The following PIBF1 variants were observed in gnomAD, a reference collection of about 807,000 sequenced individuals.
The protein encoded by PIBF1 is progesterone-induced-blocking factor 1.
A neutral mutation model predicts 112.5 loss-of-function variants in PIBF1; 90 were observed. The observed-to-expected ratio is 0.80, with a 90% CI of 0.67 to 0.95. The LOEUF (loss-of-function observed/expected upper bound fraction) is 0.95, where lower values mean the gene tolerates loss of function less well. Ranked by LOEUF, PIBF1 falls within the 40% of genes least tolerant of loss-of-function variation. The probability of loss-of-function intolerance (pLI) is 0.00; values close to 1 mark genes in which losing one functional copy is unlikely to be tolerated. For synonymous variants in PIBF1, 301 were observed against 288.6 expected, an observed-to-expected ratio of 1.04 and a Z score of -0.44; for missense variants, 915 against 852.3, an observed-to-expected ratio of 1.07 and a Z score of -0.92.
intron 13 of PIBF1, among the ~76,000 whole-genome samples, chr13:72,922,770 G>A (rs2041342151): frequency 6.6e-6 from 1 of 151,834 alleles, no homozygotes; most frequent in Admixed American, 6.6e-5. Flanking sequence ...TTTGTCCTTG[G>A]GGAAACTTGT....
intron 8 of PIBF1, among the ~76,000 whole-genome samples, chr13:72,832,181 C>A (rs1223803908): frequency 7.0e-6 from 1 of 143,472 alleles, no homozygotes. Flanking sequence ...AGATGTGTCT[C>A]CTGAATACAG....
intron 16 of PIBF1, among the ~76,000 whole-genome samples, chr13:72,984,540 A>G (rs770167307): frequency 6.6e-6 from 1 of 152,146 alleles, no homozygotes. Context: ...TTTAAGCCTC[A>G]CAACAGCTCA....
intron 10 of PIBF1, among the ~76,000 whole-genome samples, chr13:72,876,251 C>T (rs1423157531): frequency 6.9e-6 from 1 of 144,438 alleles, no homozygotes; most frequent in East Asian, 2.1e-4. Flanking sequence ...GTTGACTGTG[C>T]GGGTCTATTT....
intron 8 of PIBF1, among the ~76,000 whole-genome samples, chr13:72,828,962 A>T (rs1211611504): frequency 6.6e-6 from 1 of 152,150 alleles, no homozygotes; most frequent in East Asian, 1.9e-4. Flanking sequence ...TGACTTTTTA[A>T]TGATTGCCAG....
At chr13:72,786,635 A>C (rs1047517953) in intron 2 of PIBF1, among the ~76,000 whole-genome samples, 1 of 152,196 alleles carries the variant, frequency 6.6e-6, no homozygotes, top group Non-Finnish European at 1.5e-5. Context: ...AGCTCCTTGC[A>C]ACACATGCAG....
chr13:72,993,581 C>T (rs1381822891), intron 16 of PIBF1, among the ~76,000 whole-genome samples: 2 of 151,628 alleles, frequency 1.3e-5, no homozygotes, highest in Admixed American at 6.6e-5. Context: ...CCTGACTCTA[C>T]TAAAAATACA....
intron 17 of PIBF1, among the ~76,000 whole-genome samples, chr13:73,013,068 G>T (rs1342506256): frequency 6.6e-6 from 1 of 151,224 alleles, no homozygotes; most frequent in Admixed American, 6.6e-5. Flanking sequence ...TTGGGAGGCC[G>T]AGGCGGGCGG....
chr13:72,931,225 T>C lies in PIBF1; in HGVS notation c.1791T>C (p.Asp597=). The C allele has an allele frequency of 6.2e-7, 1 of 1,613,164 alleles. No individual in the cohort carries two copies. Among genetic ancestry groups the C allele is most frequent in the South Asian group, 1.1e-5 (1 of 91,022 alleles). Residue 597 remains aspartate, a synonymous_variant, in exon 14 of 18, where the codon GAT becomes GAC. Coordinates refer to ENST00000326291, the MANE Select transcript of PIBF1 (RefSeq NM_006346.4). ...LEKQNSLILK[D]LEHRKDQVTQ... is the part of the protein sequence containing the mutation. ...AACAAAACTCGCTGATTTTAAAAGA[T>C]CTGGAACATCGAAAGGACCAAGTAA...
At chr13:72,936,376 C>T (rs1240938119) in intron 14 of PIBF1, among the ~76,000 whole-genome samples, 1 of 152,092 alleles carries the variant, frequency 6.6e-6, no homozygotes, top group Admixed American at 6.6e-5. Context: ...AAGTACAGTT[C>T]ATCACTTTGT....
intron 11 of PIBF1, among the ~76,000 whole-genome samples, chr13:72,894,758 T>TTG (rs1555308444): frequency 6.0e-5 from 8 of 133,616 alleles, no homozygotes; most frequent in African/African-American, 2.2e-4. Context: ...AATATATATA[T>TTG]TATATATATA....
chr13:72,910,929 A>G (rs563628203), intron 12 of PIBF1, among the ~76,000 whole-genome samples: 3 of 152,306 alleles, frequency 2.0e-5, no homozygotes, highest in East Asian at 1.9e-4. Context: ...AATTCTATCA[A>G]TTCAGTGTTC....
intron 9 of PIBF1, among the ~76,000 whole-genome samples, chr13:72,850,678 A>T (rs937723984): frequency 6.6e-6 from 1 of 152,236 alleles, no homozygotes; most frequent in African/African-American, 2.4e-5. Flanking sequence ...AGAAATGAAC[A>T]TTGAAACCAA....
intron 14 of PIBF1, among the ~76,000 whole-genome samples, chr13:72,948,135 T>C (rs1338012973): frequency 2.0e-5 from 3 of 150,956 alleles, no homozygotes; most frequent in Non-Finnish European, 4.4e-5. Flanking sequence ...GTAGACGAGT[T>C]GATGGGTGCA....
At chr13:72,799,623 T>G (rs2035373362) in intron 5 of PIBF1, among the ~76,000 whole-genome samples, 1 of 152,256 alleles carries the variant, frequency 6.6e-6, no homozygotes, top group Non-Finnish European at 1.5e-5. Context: ...GGCCACTGTT[T>G]GGCCACTTTC....
intron 11 of PIBF1, among the ~76,000 whole-genome samples, chr13:72,897,509 A>G (rs1300524249): frequency 6.6e-6 from 1 of 152,184 alleles, no homozygotes; most frequent in African/African-American, 2.4e-5. Context: ...GCTCCACTTA[A>G]AAAAGGTGCA....
chr13:72,995,718 G>A (rs567575109), intron 16 of PIBF1, among the ~76,000 whole-genome samples: 2 of 152,110 alleles, frequency 1.3e-5, no homozygotes, highest in African/African-American at 2.4e-5. Flanking sequence ...TTGGGAGGCC[G>A]AGGCGAGTGG....
At chr13:72,792,095 A>G (rs2034961317) in intron 2 of PIBF1, among the ~76,000 whole-genome samples, 1 of 152,000 alleles carries the variant, frequency 6.6e-6, no homozygotes, top group Non-Finnish European at 1.5e-5. Context: ...CAGGAGTTCA[A>G]GAACACCCTG....
At position 72,827,798 on chromosome 13, in the gene PIBF1, C is replaced by T. The variant is rs1593991936; in HGVS notation, c.981C>T (p.Asn327=). Residue 327 remains asparagine, a synonymous_variant, in exon 8 of 18, where the codon AAC becomes AAT. Transcript: ENST00000326291. ...QKDKEYLNRQ[N]MELSVRCAHE... Reference sequence around the variant, plus strand: ...ATAAAGAATATCTTAATCGCCAAAACATGGAGCTTAGTGTTCGCTGTGCTC... The same window carrying T: ...ATAAAGAATATCTTAATCGCCAAAATATGGAGCTTAGTGTTCGCTGTGCTC... 1 of 1,604,270 alleles carries T rather than the reference C, an allele frequency of 6.2e-7. No individual in the cohort carries two copies. Among genetic ancestry groups the T allele is most frequent in the Admixed American group, 1.7e-5 (1 of 58,480 alleles).
intron 13 of PIBF1, among the ~76,000 whole-genome samples, chr13:72,925,985 A>G (rs2041471895): frequency 6.6e-6 from 1 of 152,040 alleles, no homozygotes; most frequent in South Asian, 2.1e-4. Context: ...TGCTGCCCTG[A>G]GAATCTTTTG....
Sources: gnomAD v4.1 joint callset for allele counts (sites outside exome capture counted in the v4.1 genomes callset) on GRCh38, gnomAD v4.1.1 for gene constraint, MANE v1.5 for transcripts, NCBI Gene and HGNC (gene_info 2026-07-23, HGNC 2026-07-21) for gene names.